Variants in GPHN observed in about 807,000 individuals in gnomAD.
The protein encoded by GPHN is gephyrin.
Under a neutral mutation model 95.5 loss-of-function variants are expected in GPHN, and 17 were observed. The observed-to-expected ratio is 0.18, with a 90% CI of 0.12 to 0.27. GPHN has a LOEUF of 0.27. GPHN is among the 10% of genes least tolerant of loss of function. GPHN has a pLI of 1.00. For missense variants in GPHN, 660 were observed against 978.1 expected, an observed-to-expected ratio of 0.67 and a Z score of 4.34; for synonymous variants, 320 against 322.5, an observed-to-expected ratio of 0.99 and a Z score of 0.08.
In GPHN at chr14:66,655,491, G is replaced by A. The variant is rs117437532; in HGVS notation, c.65-25616G>A. Among the ~76,000 whole-genome samples, 748 of 152,124 alleles carry A rather than the reference G, an allele frequency of 4.9e-3. 6 individuals are homozygous for A. The highest frequency in any genetic ancestry group is 8.2e-3 in the Non-Finnish European group (559 of 67,960). On this transcript the variant is annotated intron_variant, in intron 1 of 22. Coordinates refer to ENST00000478722, the MANE Select transcript of GPHN (RefSeq NM_020806.5). Reference sequence around the variant, plus strand: ...CTTGAAGAACTCCCTTATTCTAGGAGTTTTTTCTAGGTTCCTTGGGATTTT... The same window carrying A: ...CTTGAAGAACTCCCTTATTCTAGGAATTTTTTCTAGGTTCCTTGGGATTTT...
chr14:67,381,137 T>C, the GPHN span, among the ~76,000 whole-genome samples: 1 of 152,216 alleles, frequency 6.6e-6, no homozygotes, highest in African/African-American at 2.4e-5. Flanking sequence ...ACCCTTCCAT[T>C]GCAGAACATA....
At chr14:66,982,675 A>G (rs575778185) in intron 9 of GPHN, among the ~76,000 whole-genome samples, 2 of 152,222 alleles carry the variant, frequency 1.3e-5, no homozygotes, top group East Asian at 1.9e-4. Flanking sequence ...CTAAATTTTG[A>G]TTATCAATAT....
intron 5 of GPHN, among the ~76,000 whole-genome samples, chr14:66,901,271 C>G (rs2065118243): frequency 6.6e-6 from 1 of 151,964 alleles, no homozygotes; most frequent in Non-Finnish European, 1.5e-5. Flanking sequence ...CTTAGATAGT[C>G]TAGTTATTAA....
At chr14:67,179,761 T>G (rs1009076328) in intron 22 of GPHN, 87 bp downstream of exon 22, 1 of 786,576 alleles carries the variant, frequency 1.3e-6, no homozygotes, top group Non-Finnish European at 2.3e-6. Flanking sequence ...TTATGACTGA[T>G]TTTGTAATTA....
intron 4 of GPHN, among the ~76,000 whole-genome samples, chr14:66,874,650 G>C (rs2063575061): frequency 6.6e-6 from 1 of 152,050 alleles, no homozygotes; most frequent in Non-Finnish European, 1.5e-5. Flanking sequence ...GCCAAAGAAA[G>C]AATTTCAGAG....
intron 17 of GPHN, among the ~76,000 whole-genome samples, chr14:67,131,704 G>A (rs528534551): frequency 1.1e-3 from 168 of 152,230 alleles, no homozygotes; most frequent in African/African-American, 3.9e-3. Flanking sequence ...AAAAAATTGA[G>A]GAGCAGCTCT....
chr14:67,321,152 T>C, the GPHN span: 1 of 1,614,158 alleles, frequency 6.2e-7, no homozygotes, highest in South Asian at 1.1e-5. Flanking sequence ...AGCTGGAAAG[T>C]TCATTGAGCA....
the GPHN span, among the ~76,000 whole-genome samples, chr14:67,207,695 T>C: frequency 4.6e-5 from 7 of 151,610 alleles, no homozygotes; most frequent in African/African-American, 1.7e-4. Flanking sequence ...CTAGGAGAGG[T>C]GAGACATTAA....
intron 2 of GPHN, among the ~76,000 whole-genome samples, chr14:66,686,968 T>C (rs1369405084): frequency 6.6e-6 from 1 of 152,174 alleles, no homozygotes; most frequent in Non-Finnish European, 1.5e-5. Context: ...GAGGGGCAGT[T>C]GAATTTTGCC....
chr14:66,730,861 C>T (rs547583716), intron 2 of GPHN, among the ~76,000 whole-genome samples: 2 of 152,074 alleles, frequency 1.3e-5, no homozygotes, highest in Non-Finnish European at 2.9e-5. Flanking sequence ...GGCTCTGTGC[C>T]CCTACCTAAA....
the GPHN span, among the ~76,000 whole-genome samples, chr14:67,195,713 T>TTGTGTGTGTG: frequency 7.0e-4 from 100 of 143,336 alleles, no homozygotes; most frequent in African/African-American, 2.1e-3. Flanking sequence ...TTCTTTTTGG[T>TTGTGTGTGTG]TGTGTGTGTG....
At position 67,179,605 on chromosome 14, in the gene GPHN, C is replaced by T. The variant is rs1252936065; in HGVS notation, c.2107C>T (p.Arg703Cys). Residue 703 changes from arginine (R) to cysteine (C), a missense_variant, in exon 22 of 23, where the codon CGT (arginine) becomes TGT (cysteine). Physicochemically the swap from Arg to Cys is radical, Grantham distance 180 (BLOSUM62 -3). This residue lies in a region of GPHN where 48 missense variants were observed against 137.4 expected (regional missense o/e 0.35). Transcript: ENST00000478722. ...ATCATGTGATGTAAAACTTGATCCT[C>T]GTCCAGAATACCATCGGTGTATACT... Reference protein sequence around the residue: ...RLSCDVKLDPRPEYHRCILTW... With the variant: ...RLSCDVKLDPCPEYHRCILTW... The T allele has an allele frequency of 1.2e-6, 2 of 1,606,188 alleles. No individual in the cohort carries two copies. Among genetic ancestry groups the T allele is most frequent in the Non-Finnish European group, 1.7e-6 (2 of 1,172,910 alleles).
At chr14:67,652,434 T>C in the GPHN span, 1 of 185,570 alleles carries the variant, frequency 5.4e-6, no homozygotes. Flanking sequence ...TTTCACTAAC[T>C]GAGAACCATG....
intron 10 of GPHN, among the ~76,000 whole-genome samples, chr14:67,040,146 CTA>C (rs1381236790): frequency 2.0e-5 from 3 of 152,002 alleles, no homozygotes; most frequent in Admixed American, 6.6e-5. Flanking sequence ...AAAGGAGAGA[CTA>C]TTGATGAAAG....
rs535461102 is a variant in GPHN at position 66,570,295 on chromosome 14, CTTTTT to C, written c.64+61721_64+61725del. 7.2e-3 allele frequency among the ~76,000 whole-genome samples: 721 copies of C among 100,126 alleles called. 5 individuals carry two copies. Among genetic ancestry groups the C allele is most frequent in the African/African-American group, 0.029 (687 of 23,460 alleles). The allele number at this position is 100,126 out of a possible 152,430, so 65.7% of individuals were successfully genotyped here. A position where few individuals can be genotyped will look rare whatever the true frequency, so the allele number is the denominator to read the frequency against. On this transcript the variant is annotated intron_variant, in intron 1 of 22. Coordinates refer to ENST00000478722, the MANE Select transcript of GPHN (RefSeq NM_020806.5). ...CTATTTGACATACTGATTTCATGTACTTTTTTTTTTTTTTTTTTTTTGAGATGGAG... is the reference window on the plus strand; with the variant it reads ...CTATTTGACATACTGATTTCATGTACTTTTTTTTTTTTTTTTGAGATGGAG...
intron 1 of GPHN, among the ~76,000 whole-genome samples, chr14:66,625,293 G>A (rs1038017907): frequency 2.0e-5 from 3 of 152,030 alleles, no homozygotes; most frequent in Admixed American, 6.6e-5. Context: ...CAAGGGTCTC[G>A]AACTCCTGGG....
intron 5 of GPHN, among the ~76,000 whole-genome samples, chr14:66,902,848 T>A (rs2065185715): frequency 6.6e-6 from 1 of 152,118 alleles, no homozygotes; most frequent in Non-Finnish European, 1.5e-5. Context: ...TTGGTTTTGG[T>A]GTCAGGGTAA....
chr14:67,518,094 G>C, the GPHN span, among the ~76,000 whole-genome samples: 1 of 152,202 alleles, frequency 6.6e-6, no homozygotes, highest in Non-Finnish European at 1.5e-5. Context: ...CAGTAATCAT[G>C]GTTCTAGTGA....
chr14:66,760,283 G>A (rs2058711982), intron 2 of GPHN, among the ~76,000 whole-genome samples: 1 of 152,124 alleles, frequency 6.6e-6, no homozygotes, highest in Non-Finnish European at 1.5e-5. Context: ...TTAATAAATA[G>A]ATAAAATTTT....
Sources: allele counts gnomAD v4.1 joint callset (sites outside exome capture counted in the v4.1 genomes callset), GRCh38; gene constraint gnomAD v4.1.1; regional missense constraint gnomAD v4.1.1; transcripts MANE v1.5; gene names NCBI Gene and HGNC (gene_info 2026-07-23, HGNC 2026-07-21).